Variants in FAM120A observed in about 807,000 individuals in gnomAD.
FAM120A encodes the protein constitutive coactivator of PPAR-gamma-like protein 1.
Under a neutral mutation model 109.7 loss-of-function variants are expected in FAM120A, and 15 were observed. The ratio of observed to expected loss-of-function variants is 0.14; its 90% CI spans 0.09 to 0.21. FAM120A has a LOEUF of 0.21. Among genes scored for constraint, FAM120A ranks in the 10% least tolerant of loss-of-function variants. The pLI is 1.00. For synonymous variants in FAM120A, 493 were observed against 572.8 expected, an observed-to-expected ratio of 0.86 and a Z score of 1.99; for missense variants, 899 against 1,439.3, an observed-to-expected ratio of 0.62 and a Z score of 6.07.
Position 93,452,019 on chromosome 9 carries a change from G to C in FAM120A, c.104G>C (p.Gly35Ala), listed in dbSNP as rs1857252721. ...GCCCGGGGCAGCCTGGTGGGCGGCG[G>C]GCGGCAGCGGCCCCCGCAGACCCCG... Reference protein sequence around the residue: ...KLARGSLVGGGRQRPPQTPLR... With the variant: ...KLARGSLVGGARQRPPQTPLR... Residue 35 changes from glycine to alanine, a missense_variant, in exon 1 of 18, where the codon GGG (glycine) becomes GCG (alanine). By Grantham distance (60) the Gly-to-Ala change is moderately conservative. Around this residue, in one of 11 missense-constraint regions of FAM120A, gnomAD observed 258 missense variants for 451.4 expected, o/e 0.57. Coordinates refer to ENST00000277165, the MANE Select transcript of FAM120A (RefSeq NM_014612.5). This position sits in a 1 kb window ranked among gnomAD's most constrained non-coding sequence, Gnocchi z 7.0. The C allele has an allele frequency of 1.3e-6, 2 of 1,558,780 alleles. No individual in the cohort carries two copies. Among genetic ancestry groups the C allele is most frequent in the South Asian group, 2.3e-5 (2 of 85,804 alleles).
intron 10 of FAM120A, among the ~76,000 whole-genome samples, chr9:93,533,590 A>G (rs1015778908): frequency 2.6e-5 from 4 of 152,198 alleles, no homozygotes; most frequent in Non-Finnish European, 5.9e-5. Context: ...CTTTTCTCAC[A>G]TTGTGTGATC....
intron 5 of FAM120A, among the ~76,000 whole-genome samples, chr9:93,511,907 T>C (rs1468395734): frequency 1.3e-5 from 2 of 152,216 alleles, no homozygotes; most frequent in Non-Finnish European, 2.9e-5. Context: ...ATTTTCAGCC[T>C]CTGCCTCCCG....
At chr9:93,462,750 T>C (rs1172039312) in intron 1 of FAM120A, among the ~76,000 whole-genome samples, 1 of 152,220 alleles carries the variant, frequency 6.6e-6, no homozygotes, top group Non-Finnish European at 1.5e-5. Context: ...TCTCTGAAGT[T>C]GTCTACCCTA....
At chr9:93,455,652 C>T (rs1857519386) in intron 1 of FAM120A, among the ~76,000 whole-genome samples, 1 of 151,918 alleles carries the variant, frequency 6.6e-6, no homozygotes, top group Admixed American at 6.6e-5. Context: ...TTCCTGTTAC[C>T]TTTGCTTAGA....
chr9:93,556,640 T>C (rs1484989999), intron 13 of FAM120A, 49 bp downstream of exon 13: 1 of 1,525,824 alleles, frequency 6.6e-7, no homozygotes. Flanking sequence ...GAAATAAAGC[T>C]CACTGGTTAA....
intron 8 of FAM120A, among the ~76,000 whole-genome samples, chr9:93,527,912 C>T (rs1861158577): frequency 6.6e-6 from 1 of 152,066 alleles, no homozygotes; most frequent in Non-Finnish European, 1.5e-5. Context: ...CGTGAGCCAC[C>T]ACGCCCTGTC....
chr9:93,561,834 G>A (rs956153909), intron 16 of FAM120A, among the ~76,000 whole-genome samples: 1 of 152,138 alleles, frequency 6.6e-6, no homozygotes, highest in Non-Finnish European at 1.5e-5. Flanking sequence ...TATTTTTAAA[G>A]TATTAGTTTT....
intron 12 of FAM120A, among the ~76,000 whole-genome samples, chr9:93,554,818 CT>C (rs1862238462): frequency 6.6e-6 from 1 of 152,238 alleles, no homozygotes; most frequent in Admixed American, 6.5e-5. Context: ...GACCTGGATT[CT>C]CTGTTCTCTG....
chr9:93,477,800 G>C (rs1208415997), intron 3 of FAM120A, among the ~76,000 whole-genome samples: 3 of 152,196 alleles, frequency 2.0e-5, no homozygotes, highest in African/African-American at 4.8e-5. Context: ...GTGAAGAGCT[G>C]TTTGAAGAAT....
intron 16 of FAM120A, 66 bp downstream of exon 16, chr9:93,561,316 T>G: frequency 1.3e-6 from 2 of 1,488,796 alleles, no homozygotes; most frequent in South Asian, 2.6e-5. Context: ...CTTGCTTTTT[T>G]TTGGAAGTTT....
chr9:93,558,823 G>A, intron 15 of FAM120A, 105 bp downstream of exon 15: 1 of 1,337,150 alleles, frequency 7.5e-7, no homozygotes, highest in East Asian at 2.4e-5. Flanking sequence ...CCCTCCTCCA[G>A]CAGAACGGCC....
At chr9:93,562,744 A>G (rs1314266745) in intron 17 of FAM120A, among the ~76,000 whole-genome samples, 1 of 144,612 alleles carries the variant, frequency 6.9e-6, no homozygotes, top group African/African-American at 2.6e-5. Context: ...CGCTCACTGC[A>G]ACCTCCACTT....
intron 12 of FAM120A, among the ~76,000 whole-genome samples, chr9:93,551,467 A>T (rs144545145): frequency 9.9e-5 from 15 of 152,040 alleles, no homozygotes; most frequent in Admixed American, 6.6e-5. Context: ...TTTCTTTTCA[A>T]TGTATAGGGT....
chr9:93,528,105 C>T (rs1861165566), intron 8 of FAM120A, among the ~76,000 whole-genome samples: 1 of 152,176 alleles, frequency 6.6e-6, no homozygotes, highest in South Asian at 2.1e-4. Context: ...AGAAGTCATA[C>T]TATTAAATGA....
intron 9 of FAM120A, chr9:93,531,068 A>G (rs566401901): frequency 8.5e-5 from 13 of 152,384 alleles, no homozygotes; most frequent in East Asian, 5.8e-4. Context: ...AGTTTATCCT[A>G]TAAGCTGAAT....
At chr9:93,533,298 TA>T (rs1488707761) in intron 10 of FAM120A, among the ~76,000 whole-genome samples, 1 of 152,218 alleles carries the variant, frequency 6.6e-6, no homozygotes, top group Non-Finnish European at 1.5e-5. Flanking sequence ...TCATTAGATT[TA>T]AAATATTTCT....
At chr9:93,540,187 C>T (rs1861644779) in intron 10 of FAM120A, among the ~76,000 whole-genome samples, 1 of 152,208 alleles carries the variant, frequency 6.6e-6, no homozygotes, top group African/African-American at 2.4e-5. Context: ...CTGCTTCCCT[C>T]TTATCCCAGC....
In FAM120A at chr9:93,498,018, C is replaced by CT. The variant is rs1859645489; in HGVS notation, c.933+425dup. ...TCAGGTGATTGTCAGGGATTTTCTT[C>CT]TTTTTTGGGGAAGTAGGTGTGCCAA... On this transcript the variant is annotated intron_variant, in intron 4 of 17. Coordinates refer to ENST00000277165, the MANE Select transcript of FAM120A (RefSeq NM_014612.5). This position sits in a 1 kb window ranked among gnomAD's most constrained non-coding sequence, Gnocchi z 4.4. 2.6e-5 allele frequency among the ~76,000 whole-genome samples: 4 copies of CT among 152,174 alleles called. No homozygotes were observed.
intron 4 of FAM120A, 43 bp downstream of exon 4, chr9:93,497,642 A>C (rs747786720): frequency 1.3e-6 from 2 of 1,578,616 alleles, no homozygotes; most frequent in South Asian, 1.1e-5. Context: ...GATTCATGGG[A>C]TATGACGTTG....
Sources: gnomAD v4.1 joint callset for allele counts (sites outside exome capture counted in the v4.1 genomes callset) on GRCh38, gnomAD v4.1.1 for gene constraint, gnomAD v4.1.1 regional missense constraint, Gnocchi (gnomAD v3.1) non-coding constraint, MANE v1.5 for transcripts, NCBI Gene and HGNC (gene_info 2026-07-23, HGNC 2026-07-21) for gene names.